ZNF407: variants seen among roughly 807,000 people sequenced by gnomAD.
ZNF407 encodes the protein zinc finger protein 407.
A neutral mutation model predicts 131.2 loss-of-function variants in ZNF407; 17 were observed. The observed-to-expected ratio is 0.13, with a 90% CI of 0.09 to 0.19. ZNF407 has a LOEUF of 0.19. Among genes scored for constraint, ZNF407 ranks in the 10% least tolerant of loss-of-function variants. The pLI is 1.00. For synonymous variants in ZNF407, 1,156 were observed against 1,062.0 expected (o/e 1.09, Z -1.72); for missense variants, 2,681 against 2,830.6 (o/e 0.95, Z 1.20).
At chr18:74,849,341 G>A (rs1318449607) in intron 4 of ZNF407, among the ~76,000 whole-genome samples, 1 of 152,150 alleles carries the variant, frequency 6.6e-6, no homozygotes, top group Non-Finnish European at 1.5e-5. Flanking sequence ...GCCTCCCAGA[G>A]TGCTGGGATT....
At chr18:74,845,845 T>G (rs563092093) in intron 4 of ZNF407, among the ~76,000 whole-genome samples, 89 of 152,328 alleles carry the variant, frequency 5.8e-4, no homozygotes, top group Non-Finnish European at 1.0e-3. Context: ...TGAGATGAAT[T>G]AATGAAATTA....
intron 7 of ZNF407, among the ~76,000 whole-genome samples, chr18:74,920,069 C>G (rs1171354318): frequency 6.6e-6 from 1 of 152,120 alleles, no homozygotes. Flanking sequence ...ATTTTAGAGC[C>G]CACTTAGAAG....
At chr18:74,894,959 T>G (rs1366745633) in intron 7 of ZNF407, among the ~76,000 whole-genome samples, 3 of 152,172 alleles carry the variant, frequency 2.0e-5, no homozygotes, top group African/African-American at 7.2e-5. Context: ...TTTAATTTTT[T>G]TTTAACTATC....
intron 3 of ZNF407, among the ~76,000 whole-genome samples, chr18:74,729,707 G>C (rs2144891811): frequency 6.6e-6 from 1 of 152,194 alleles, no homozygotes; most frequent in East Asian, 1.9e-4. Flanking sequence ...CGTACACTTG[G>C]CTGGTAATCC....
At chr18:74,852,300 G>C (rs1342656022) in intron 4 of ZNF407, among the ~76,000 whole-genome samples, 1 of 151,842 alleles carries the variant, frequency 6.6e-6, no homozygotes, top group Non-Finnish European at 1.5e-5. Context: ...TTATACCCTT[G>C]AATTAAACAG....
intron 3 of ZNF407, among the ~76,000 whole-genome samples, chr18:74,680,020 G>C (rs1966943947): frequency 6.6e-6 from 1 of 152,150 alleles, no homozygotes; most frequent in African/African-American, 2.4e-5. Context: ...ATGTAGTTGA[G>C]AATTTTCATT....
At position 74,877,361 on chromosome 18, in the gene ZNF407, C is replaced by A; in HGVS notation, c.5042C>A (p.Thr1681Lys). Reference sequence around the variant, plus strand: ...ATGAAAGACCACTACAGGACGCACACAGGTGTGCCGCGCCGCCTTCCTATC... The same window carrying A: ...ATGAAAGACCACTACAGGACGCACAAAGGTGTGCCGCGCCGCCTTCCTATC... ...SAMKDHYRTH[T>K]GEKSFLCDLC... Residue 1681 changes from threonine to lysine, a missense_variant and splice_region_variant, in exon 5 of 9, where the codon ACA (threonine) becomes AAA (lysine). By Grantham distance (78) the Thr-to-Lys change is moderately conservative. Around this residue, in one of 6 missense-constraint regions of ZNF407, gnomAD observed 213 missense variants for 332.2 expected, o/e 0.64. Coordinates refer to ENST00000299687, the MANE Select transcript of ZNF407 (RefSeq NM_017757.3). The A allele has an allele frequency of 6.2e-7, 1 of 1,612,556 alleles. No homozygotes were observed. Among genetic ancestry groups the A allele is most frequent in the Non-Finnish European group, 8.5e-7 (1 of 1,179,530 alleles).
At chr18:74,664,210 G>A (rs947982227) in intron 3 of ZNF407, among the ~76,000 whole-genome samples, 3 of 152,142 alleles carry the variant, frequency 2.0e-5, no homozygotes, top group Non-Finnish European at 2.9e-5. Flanking sequence ...TAAAAGAAAG[G>A]ACATTTTTTG....
chr18:74,843,867 T>C (rs1414866289), intron 4 of ZNF407, among the ~76,000 whole-genome samples: 1 of 152,212 alleles, frequency 6.6e-6, no homozygotes, highest in Admixed American at 6.5e-5. Flanking sequence ...TATGATTTTA[T>C]ATAAAATCAT....
intron 7 of ZNF407, among the ~76,000 whole-genome samples, chr18:74,904,680 G>T (rs7231138): frequency 0.12 from 17,576 of 152,160 alleles, 1,102 homozygotes; most frequent in Middle Eastern, 0.23. Flanking sequence ...AGTCGGTGCC[G>T]CTTCTTATTG....
intron 3 of ZNF407, among the ~76,000 whole-genome samples, chr18:74,644,508 A>G (rs1461722048): frequency 6.6e-6 from 1 of 151,896 alleles, no homozygotes; most frequent in Non-Finnish European, 1.5e-5. Flanking sequence ...ATGACTTACA[A>G]AAGTTATTTT....
rs376025844 is a variant in ZNF407, at chr18:74,624,156, C to A, written c.-53-6811C>A. On this transcript the variant is annotated intron_variant, in intron 1 of 8. Coordinates refer to ENST00000299687, the MANE Select transcript of ZNF407 (RefSeq NM_017757.3). ...GAGCTGGCAGTCAGTGAGTCTTCTG[C>A]CTGTTTTCGCTTTGTTCCGGGGAGA... Among the ~76,000 whole-genome samples, 5 of 152,032 alleles carry A rather than the reference C, an allele frequency of 3.3e-5. No individual in the cohort carries two copies. In the East Asian group the frequency reaches 5.8e-4, roughly 18 times the overall value.
intron 8 of ZNF407, among the ~76,000 whole-genome samples, chr18:74,942,095 TTC>T (rs1245867640): frequency 6.6e-6 from 1 of 152,198 alleles, no homozygotes; most frequent in African/African-American, 2.4e-5. Flanking sequence ...TGTGTGAAAG[TTC>T]TTTGCAAACC....
intron 8 of ZNF407, among the ~76,000 whole-genome samples, chr18:74,998,017 C>T (rs920479092): frequency 5.3e-5 from 8 of 152,092 alleles, no homozygotes; most frequent in South Asian, 4.1e-4. Context: ...GCAGCACCTG[C>T]GGAATGTGCA....
At chr18:75,054,104 G>A (rs1231722283) in intron 8 of ZNF407, among the ~76,000 whole-genome samples, 5 of 152,236 alleles carry the variant, frequency 3.3e-5, no homozygotes, top group Admixed American at 3.3e-4. Flanking sequence ...GTTGGAAAGA[G>A]CAGCCATGTG....
intron 1 of ZNF407, among the ~76,000 whole-genome samples, chr18:74,621,278 G>T (rs1022529797): frequency 6.6e-6 from 1 of 152,016 alleles, no homozygotes; most frequent in Non-Finnish European, 1.5e-5. Flanking sequence ...GTTACCTATT[G>T]CTACATAACA....
chr18:74,651,901 G>A (rs560326205), intron 3 of ZNF407, among the ~76,000 whole-genome samples: 48 of 152,144 alleles, frequency 3.2e-4, no homozygotes, highest in Non-Finnish European at 5.7e-4. Flanking sequence ...GTAGTTAGTC[G>A]TTGGATTGTT....
At chr18:74,739,236 C>A (rs1237601824) in intron 3 of ZNF407, among the ~76,000 whole-genome samples, 1 of 151,252 alleles carries the variant, frequency 6.6e-6, no homozygotes, top group African/African-American at 2.4e-5. Flanking sequence ...TTAGGCATAT[C>A]CAGTTGGGAG....
chr18:75,004,520 G>T (rs780598416), intron 8 of ZNF407, among the ~76,000 whole-genome samples: 1 of 152,102 alleles, frequency 6.6e-6, no homozygotes, highest in Non-Finnish European at 1.5e-5. Flanking sequence ...AAACGAGAGC[G>T]GCATTGGGTG....
Sources: gnomAD v4.1 joint callset for allele counts (sites outside exome capture counted in the v4.1 genomes callset) on GRCh38, gnomAD v4.1.1 for gene constraint, gnomAD v4.1.1 regional missense constraint, MANE v1.5 for transcripts, NCBI Gene and HGNC (gene_info 2026-07-23, HGNC 2026-07-21) for gene names.